CNTRL: variants seen among roughly 807,000 people sequenced by gnomAD.
The protein encoded by CNTRL is centriolin.
Under a neutral mutation model 303.7 loss-of-function variants are expected in CNTRL, and 233 were observed. The observed-to-expected ratio is 0.77, with a 90% CI of 0.69 to 0.86. The LOEUF (loss-of-function observed/expected upper bound fraction) is 0.86. Ranked by LOEUF, CNTRL falls within the 40% of genes least tolerant of loss-of-function variation. CNTRL has a pLI of 0.00. For missense variants in CNTRL, 2,524 were observed against 2,650.6 expected (o/e 0.95, Z 1.05); for synonymous variants, 900 against 922.2 (o/e 0.98, Z 0.44).
At chr9:121,162,313 G>C (rs1053666309) in intron 34 of CNTRL, 42 bp downstream of exon 34, 1 of 1,531,908 alleles carries the variant, frequency 6.5e-7, no homozygotes, top group African/African-American at 1.4e-5. Context: ...CACTTCTTCA[G>C]GCCAAAGCAT....
intron 13 of CNTRL, among the ~76,000 whole-genome samples, chr9:121,125,414 C>T (rs991068049): frequency 2.0e-5 from 3 of 152,140 alleles, no homozygotes; most frequent in Non-Finnish European, 4.4e-5. Flanking sequence ...CTGCCTTGGC[C>T]TCCCAAAGTG....
chr9:121,091,714 G>A (rs2048579088), intron 4 of CNTRL, among the ~76,000 whole-genome samples: 1 of 151,732 alleles, frequency 6.6e-6, no homozygotes, highest in African/African-American at 2.4e-5. Context: ...CGTAGTGGCG[G>A]GCGCCTGTAA....
chr9:121,137,930 C>T (rs1317178094), intron 15 of CNTRL, among the ~76,000 whole-genome samples: 1 of 152,238 alleles, frequency 6.6e-6, no homozygotes, highest in East Asian at 1.9e-4. Flanking sequence ...CATTCCCCCT[C>T]CCTCAGCACC....
intron 15 of CNTRL, among the ~76,000 whole-genome samples, chr9:121,137,549 A>G (rs943791284): frequency 4.6e-5 from 7 of 152,318 alleles, no homozygotes; most frequent in African/African-American, 1.7e-4. Context: ...CTAGAAATAT[A>G]TCTGGTTTAT....
intron 29 of CNTRL, 21 bp downstream of exon 29, chr9:121,157,901 G>T: frequency 6.2e-7 from 1 of 1,613,740 alleles, no homozygotes; most frequent in Non-Finnish European, 8.5e-7. Context: ...CCTCTGTAGG[G>T]CTACAAGGGG....
intron 42 of CNTRL, among the ~76,000 whole-genome samples, chr9:121,174,291 T>C (rs1588349790): frequency 6.6e-6 from 1 of 152,202 alleles, no homozygotes; most frequent in African/African-American, 2.4e-5. Context: ...GGAATGGCTA[T>C]GTAGACAGCA....
At chr9:121,167,439 C>T (rs1206339434) in intron 36 of CNTRL, 50 bp from the exon 37 acceptor site, 2 of 1,513,332 alleles carry the variant, frequency 1.3e-6, no homozygotes, top group African/African-American at 2.8e-5. Context: ...CTGACCACCT[C>T]TAGTAAAGAT....
Position 121,162,165 on chromosome 9 carries a change from G to A in CNTRL, c.5317G>A (p.Ala1773Thr), listed in dbSNP as rs754312098. 10 of 1,614,006 alleles carry A rather than the reference G, an allele frequency of 6.2e-6. No individual in the cohort carries two copies. The East Asian group carries it at 1.8e-4, about 29-fold the overall frequency. Residue 1773 changes from alanine to threonine, a missense_variant, in exon 34 of 44, where the codon GCT becomes ACT. Physicochemically the swap from Ala to Thr is moderately conservative, Grantham distance 58. Coordinates refer to ENST00000373855, the MANE Select transcript of CNTRL (RefSeq NM_007018.6). ...TAAACGAGAAATAGAACGAATGACTGCTGAGTCCCGAGCTTTACAATCGTG... is the reference window on the plus strand; with the variant it reads ...TAAACGAGAAATAGAACGAATGACTACTGAGTCCCGAGCTTTACAATCGTG... ...RDKREIERMT[A>T]ESRALQSCVE...
intron 39 of CNTRL, among the ~76,000 whole-genome samples, chr9:121,170,733 A>AT (rs1463165801): frequency 6.6e-5 from 10 of 152,184 alleles, no homozygotes; most frequent in African/African-American, 2.4e-4. Flanking sequence ...GATTACAGGC[A>AT]TAAGCCACCG....
chr9:121,153,150 C>T (rs2052375616), intron 26 of CNTRL, among the ~76,000 whole-genome samples: 1 of 152,182 alleles, frequency 6.6e-6, no homozygotes, highest in African/African-American at 2.4e-5. Context: ...CCTTCTCTAG[C>T]TTTTAATTAG....
chr9:121,098,565 C>T lies in CNTRL; in HGVS notation c.801C>T (p.Phe267=). Residue 267 remains phenylalanine, a synonymous_variant, in exon 7 of 44, where the codon TTC becomes TTT. Transcript: ENST00000373855. The stretch of plus-strand genomic sequence containing the variant: ...ATAGACAGGAGGCTTTTGAGAGATT[C>T]AGTTTAGGTAAGATTAAATTTAAAA... ...TQDRQEAFER[F]SLEEVERLER... 6.3e-7 allele frequency: 1 copy of T among 1,587,606 alleles called. No individual in the cohort carries two copies. Among genetic ancestry groups the T allele is most frequent in the South Asian group, 1.2e-5 (1 of 86,142 alleles).
At chr9:121,083,797 A>G (rs952997038) in intron 2 of CNTRL, among the ~76,000 whole-genome samples, 1 of 152,236 alleles carries the variant, frequency 6.6e-6, no homozygotes, top group Admixed American at 6.5e-5. Context: ...CATGTGAGTA[A>G]TGTGTAGCAC....
rs1564190600 is a variant in CNTRL at position 121,088,494 on chromosome 9, T to C, written c.168T>C (p.Val56=). ...CTGGAGGACAGTGGTGTGAGCAAGT[T>C]GAGATTGCAGATGAAAACAATATGC... ...FHSGGQWCEQ[V]EIADENNMLL... The change falls in exon 3 of 44, where the codon GTT becomes GTC. Residue 56 remains valine, a synonymous_variant. Transcript: ENST00000373855. The C allele has an allele frequency of 6.2e-7, 1 of 1,612,510 alleles. No individual in the cohort carries two copies. Among genetic ancestry groups the C allele is most frequent in the Admixed American group, 1.7e-5 (1 of 60,012 alleles).
Position 121,150,416 on chromosome 9 carries a change from C to A in CNTRL, c.3896C>A (p.Pro1299His), listed in dbSNP as rs558014706. Residue 1299 changes from proline (P) to histidine (H), a missense_variant, in exon 25 of 44, where the codon CCC becomes CAC. By Grantham distance (77) the Pro-to-His change is moderately conservative (BLOSUM62 -2). Coordinates refer to ENST00000373855, the MANE Select transcript of CNTRL (RefSeq NM_007018.6). Reference sequence around the variant, plus strand: ...CCCATGGTGTATGGGCCTCCACCCCCCAACTTCTCCATCCCCTTCATCCCT... The same window carrying A: ...CCCATGGTGTATGGGCCTCCACCCCACAACTTCTCCATCCCCTTCATCCCT... ...GAPMVYGPPP[P>H]NFSIPFIPMG... The A allele has an allele frequency of 5.6e-6, 9 of 1,614,072 alleles. No individual in the cohort carries two copies. The highest frequency in any genetic ancestry group is 1.6e-4 in the Middle Eastern group (1 of 6,084).
chr9:121,099,545 A>G lies in CNTRL; in HGVS notation c.808+973A>G, dbSNP rs7020309. Among the ~76,000 whole-genome samples, 1,211 of 152,346 alleles carry G rather than the reference A, an allele frequency of 7.9e-3. 20 individuals carry two copies. The highest frequency in any genetic ancestry group is 0.028 in the African/African-American group (1,149 of 41,576). The stretch of plus-strand genomic sequence containing the variant: ...CTCACCAGCAATGGAACAAAGATGG[A>G]TGGAGAATGACTTTAACGAGTTGAA... On this transcript the variant is annotated intron_variant, in intron 7 of 43. Coordinates refer to ENST00000373855, the MANE Select transcript of CNTRL (RefSeq NM_007018.6).
In CNTRL at chr9:121,152,651, TAGA is replaced by T. The variant is rs756961161; in HGVS notation, c.4135_4137del (p.Glu1379del). 2 of 1,613,704 alleles carry T rather than the reference TAGA, an allele frequency of 1.2e-6. No homozygotes were observed. Among genetic ancestry groups the T allele is most frequent in the Non-Finnish European group, 1.7e-6 (2 of 1,179,634 alleles). ...GAGAAGAAAAGCTTAGAGTGTGAAG[TAGA>T]AGAATTACATAGAACTGTCCAGAAA... On this transcript the variant is annotated inframe_deletion, in exon 26 of 44. Coordinates refer to ENST00000373855, the MANE Select transcript of CNTRL (RefSeq NM_007018.6).
At position 121,154,740 on chromosome 9, in the gene CNTRL, G is replaced by A; in HGVS notation, c.4192G>A (p.Val1398Ile). The A allele has an allele frequency of 2.5e-6, 4 of 1,603,722 alleles. No individual in the cohort carries two copies. Among genetic ancestry groups the A allele is most frequent in the Non-Finnish European group, 3.4e-6 (4 of 1,171,188 alleles). ...TTTTAGGGACTTCATTGATGGAAATGTTGAGAGTCTTATGACTGAACTAGA... is the reference window on the plus strand; with the variant it reads ...TTTTAGGGACTTCATTGATGGAAATATTGAGAGTCTTATGACTGAACTAGA... Reference protein sequence around the residue: ...QQQKDFIDGNVESLMTELEIE... With the variant: ...QQQKDFIDGNIESLMTELEIE... Residue 1398 changes from valine to isoleucine, a missense_variant, in exon 27 of 44, where the codon GTT (valine) becomes ATT (isoleucine). Transcript: ENST00000373855.
intron 6 of CNTRL, among the ~76,000 whole-genome samples, chr9:121,098,097 C>T (rs9657673): frequency 0.35 from 53,884 of 152,054 alleles, 11,885 homozygotes; most frequent in South Asian, 0.64. Context: ...TTGGGCAAGT[C>T]GCCTAACTTC....
At chr9:121,104,777 C>T (rs1476132466) in intron 7 of CNTRL, among the ~76,000 whole-genome samples, 1 of 148,226 alleles carries the variant, frequency 6.7e-6, no homozygotes, top group Non-Finnish European at 1.5e-5. Flanking sequence ...TCTCAGCTCA[C>T]TGCAATCTCC....
Sources: gnomAD v4.1 joint callset for allele counts (sites outside exome capture counted in the v4.1 genomes callset) on GRCh38, gnomAD v4.1.1 for gene constraint, MANE v1.5 for transcripts, NCBI Gene and HGNC (gene_info 2026-07-23, HGNC 2026-07-21) for gene names.